KIAA0319L: variants seen among roughly 807,000 people sequenced by gnomAD.
KIAA0319L encodes KIAA0319 like.
A neutral mutation model predicts 120.1 loss-of-function variants in KIAA0319L; 55 were observed. That is an observed-to-expected ratio of 0.46 (90% confidence interval 0.37 to 0.57). KIAA0319L has a LOEUF of 0.57. Ranked by LOEUF, KIAA0319L falls within the 20% of genes least tolerant of loss-of-function variation. The pLI is 0.00. For missense variants in KIAA0319L, 1,049 were observed against 1,255.3 expected (o/e 0.84, Z 2.48); for synonymous variants, 398 against 471.9 (o/e 0.84, Z 2.03).
chr1:35,455,164 A>T (rs1354836749), intron 10 of KIAA0319L, among the ~76,000 whole-genome samples: 1 of 151,906 alleles, frequency 6.6e-6, no homozygotes. Context: ...GCTTGCAAAT[A>T]TTTTTTTTGG....
At chr1:35,454,830 C>G (rs1558316451) in intron 10 of KIAA0319L, 1 of 215,598 alleles carries the variant, frequency 4.6e-6, no homozygotes, top group Non-Finnish European at 9.4e-6. Flanking sequence ...CAATAAATGA[C>G]CCAGTTTTAA....
At chr1:35,477,452 G>C (rs1309615619) in intron 4 of KIAA0319L, among the ~76,000 whole-genome samples, 1 of 152,150 alleles carries the variant, frequency 6.6e-6, no homozygotes, top group Non-Finnish European at 1.5e-5. Context: ...CGGATCACAA[G>C]GTCAGGAGAT....
intron 2 of KIAA0319L, among the ~76,000 whole-genome samples, chr1:35,514,148 T>C (rs1301927341): frequency 6.6e-6 from 1 of 152,140 alleles, no homozygotes; most frequent in African/African-American, 2.4e-5. Flanking sequence ...ACTTAACGAC[T>C]ATCATTAAAA....
intron 20 of KIAA0319L, chr1:35,435,338 T>A: frequency 2.4e-6 from 1 of 422,624 alleles, no homozygotes; most frequent in Non-Finnish European, 4.2e-6. Context: ...ATCTCCAGTA[T>A]CCATGAGCTT....
chr1:35,534,845 C>A (rs1292347018), intron 2 of KIAA0319L, among the ~76,000 whole-genome samples: 8 of 119,854 alleles, frequency 6.7e-5, no homozygotes, highest in Admixed American at 6.6e-4. Context: ...GGTGACAGAG[C>A]GAGACTCCGT....
Position 35,453,303 on chromosome 1 carries a change from G to A in KIAA0319L, c.1913+254C>T, listed in dbSNP as rs1642194251. On this transcript the variant is annotated intron_variant, in intron 12 of 20. Transcript: ENST00000325722. This position sits in a 1 kb window ranked among gnomAD's most constrained non-coding sequence, Gnocchi z 4.1. ...AACTCTGCATTTCAGCAGATGGATT[G>A]TACCTGAAAAAGCACCAGGATCACA... is the stretch of plus-strand genomic sequence containing the variant. Among the ~76,000 whole-genome samples the A allele has an allele frequency of 6.6e-6, 1 of 152,168 alleles. No homozygotes were observed. Among genetic ancestry groups the A allele is most frequent in the African/African-American group, 2.4e-5 (1 of 41,430 alleles).
chr1:35,443,084 C>A, intron 17 of KIAA0319L, 56 bp from the exon 18 acceptor site: 2 of 1,610,376 alleles, frequency 1.2e-6, no homozygotes, highest in Non-Finnish European at 1.7e-6. Context: ...GGGTGACAAG[C>A]AGCACCTAGA....
At chr1:35,443,276 T>C (rs961670553) in intron 17 of KIAA0319L, 2 of 473,702 alleles carry the variant, frequency 4.2e-6, no homozygotes, top group African/African-American at 1.9e-5. Flanking sequence ...CAGCAATTCT[T>C]AATCTTTTAT....
intron 2 of KIAA0319L, among the ~76,000 whole-genome samples, chr1:35,514,811 T>A (rs551373586): frequency 1.3e-5 from 2 of 152,318 alleles, no homozygotes; most frequent in East Asian, 3.9e-4. Flanking sequence ...AACACTCCAC[T>A]GACAGTATTA....
At chr1:35,487,948 C>T (rs1232868708) in intron 3 of KIAA0319L, among the ~76,000 whole-genome samples, 1 of 152,182 alleles carries the variant, frequency 6.6e-6, no homozygotes, top group Non-Finnish European at 1.5e-5. Flanking sequence ...TTATGGGGGT[C>T]ACCCTCTTCT....
intron 2 of KIAA0319L, among the ~76,000 whole-genome samples, chr1:35,548,014 G>A (rs1489102957): frequency 1.3e-5 from 2 of 151,826 alleles, no homozygotes; most frequent in African/African-American, 2.4e-5. Context: ...CCAGCTACTC[G>A]GGAGGCTGGG....
At chr1:35,460,528 T>C in intron 8 of KIAA0319L, 91 bp from the exon 9 acceptor site, 2 of 1,186,538 alleles carry the variant, frequency 1.7e-6, no homozygotes, top group Non-Finnish European at 2.4e-6. Context: ...TACCCAGAGA[T>C]TTGAAGCTAG....
chr1:35,522,089 G>A lies in KIAA0319L; in HGVS notation c.143-14954C>T, dbSNP rs867981137. On this transcript the variant is annotated intron_variant, in intron 2 of 20. Coordinates refer to ENST00000325722, the MANE Select transcript of KIAA0319L (RefSeq NM_024874.5). Reference sequence around the variant, plus strand: ...AATGATATCCAGGATACATTATGTGGGGAGGAAAAAGGTTCAGAGCAGTAT... The same window carrying A: ...AATGATATCCAGGATACATTATGTGAGGAGGAAAAAGGTTCAGAGCAGTAT... 1.4e-3 allele frequency among the ~76,000 whole-genome samples: 212 copies of A among 152,128 alleles called. 2 individuals carry two copies. Among genetic ancestry groups the A allele is most frequent in the African/African-American group, 4.9e-3 (204 of 41,428 alleles).
chr1:35,478,719 T>C (rs922243339), intron 4 of KIAA0319L, among the ~76,000 whole-genome samples: 1 of 152,238 alleles, frequency 6.6e-6, no homozygotes, highest in Non-Finnish European at 1.5e-5. Flanking sequence ...AATTGAATCA[T>C]GTGCCTTTAA....
chr1:35,442,263 C>A lies in KIAA0319L; in HGVS notation c.2853G>T (p.Val951=). 1 of 1,612,796 alleles carries A rather than the reference C, an allele frequency of 6.2e-7. No homozygotes were observed. Among genetic ancestry groups the A allele is most frequent in the South Asian group, 1.1e-5 (1 of 91,058 alleles). ...VVALGILSWT[V]ICCCKRQKGK... is the part of the protein sequence containing the mutation. ...CATCTTACCTCTTACAACAACAGAT[C>A]ACAGTCCAAGACAGGATTCCCAAGG... is the stretch of plus-strand genomic sequence containing the variant. The change falls in exon 19 of 21, where the codon GTG becomes GTT. Residue 951 remains valine (V), a synonymous_variant. Transcript: ENST00000325722.
intron 3 of KIAA0319L, among the ~76,000 whole-genome samples, chr1:35,486,212 G>A (rs114022003): frequency 1.8e-3 from 273 of 151,808 alleles, no homozygotes; most frequent in African/African-American, 6.5e-3. Flanking sequence ...GTGAGACCCC[G>A]TGTCTACAAA....
chr1:35,504,287 C>T (rs1005596593), intron 3 of KIAA0319L, among the ~76,000 whole-genome samples: 1 of 152,042 alleles, frequency 6.6e-6, no homozygotes, highest in Non-Finnish European at 1.5e-5. Flanking sequence ...AGCTCCACCT[C>T]CCAGGTTCAC....
At chr1:35,532,698 C>T (rs1646418395) in intron 2 of KIAA0319L, among the ~76,000 whole-genome samples, 1 of 152,160 alleles carries the variant, frequency 6.6e-6, no homozygotes, top group South Asian at 2.1e-4. Flanking sequence ...GCTGCCATAC[C>T]CTGGCTCTGC....
intron 2 of KIAA0319L, among the ~76,000 whole-genome samples, chr1:35,539,866 G>A (rs1181882256): frequency 2.6e-5 from 4 of 152,142 alleles, no homozygotes; most frequent in Admixed American, 6.6e-5. Context: ...TTGAAATGGT[G>A]AACTTGAATC....
Sources: allele counts gnomAD v4.1 joint callset (sites outside exome capture counted in the v4.1 genomes callset), GRCh38; gene constraint gnomAD v4.1.1; non-coding constraint Gnocchi (gnomAD v3.1); transcripts MANE v1.5; gene names NCBI Gene and HGNC (gene_info 2026-07-23, HGNC 2026-07-21).